Variants in SVOP observed in about 807,000 individuals in gnomAD.
SVOP encodes the protein SV2 related protein.
Under a neutral mutation model 69.1 loss-of-function variants are expected in SVOP, and 17 were observed. The ratio of observed to expected loss-of-function variants is 0.25; its 90% CI spans 0.17 to 0.37. SVOP has a LOEUF of 0.37. SVOP is among the 10% of genes least tolerant of loss of function. The probability of loss-of-function intolerance (pLI) is 1.00; values close to 1 mark genes in which losing one functional copy is unlikely to be tolerated. For synonymous variants in SVOP, 238 were observed against 238.6 expected, an observed-to-expected ratio of 1.00 and a Z score of 0.02; for missense variants, 435 against 597.5, an observed-to-expected ratio of 0.73 and a Z score of 2.84.
At chr12:108,980,411 T>A (rs2040129012) in intron 2 of SVOP, among the ~76,000 whole-genome samples, 3 of 152,258 alleles carry the variant, frequency 2.0e-5, no homozygotes, top group East Asian at 1.9e-4. Flanking sequence ...ATCTGCAATT[T>A]TTTTGTAAAG....
At chr12:109,016,744 CTTTT>C (rs34685990) in intron 1 of SVOP, among the ~76,000 whole-genome samples, 8 of 133,438 alleles carry the variant, frequency 6.0e-5, no homozygotes, top group Admixed American at 1.5e-4. Context: ...TGCATTAGTT[CTTTT>C]TTTTTTTTTT....
In SVOP at chr12:108,912,494, G is replaced by A; in HGVS notation, c.*41C>T. 1 of 1,610,178 alleles carries A rather than the reference G, an allele frequency of 6.2e-7. No individual in the cohort carries two copies. The highest frequency in any genetic ancestry group is 8.5e-7 in the Non-Finnish European group (1 of 1,176,762). ...CAGTTGGGGCCTGCCAGCCCCCCAA[G>A]CTCTGCAGCCTCAAAGACCAGCTCA... On this transcript the variant is annotated 3_prime_UTR_variant, in exon 16 of 16. Transcript: ENST00000610966.
At chr12:108,996,779 G>T (rs2040235135) in intron 1 of SVOP, among the ~76,000 whole-genome samples, 1 of 151,964 alleles carries the variant, frequency 6.6e-6, no homozygotes, top group Non-Finnish European at 1.5e-5. Context: ...AAAAAATACA[G>T]AAATTAGTCG....
chr12:108,983,480 C>T (rs1243499450), intron 2 of SVOP, 121 bp downstream of exon 2: 1 of 398,120 alleles, frequency 2.5e-6, no homozygotes, highest in Non-Finnish European at 4.4e-6. Flanking sequence ...CTTCCAGCTC[C>T]ACCCCTTGGC....
chr12:109,000,082 A>T (rs1160344385), intron 1 of SVOP, among the ~76,000 whole-genome samples: 1 of 152,154 alleles, frequency 6.6e-6, no homozygotes, highest in Non-Finnish European at 1.5e-5. Context: ...TAATAAAGAA[A>T]AAAAGAGAAG....
intron 1 of SVOP, among the ~76,000 whole-genome samples, chr12:108,986,580 C>T (rs558981841): frequency 4.4e-4 from 67 of 152,144 alleles, no homozygotes; most frequent in Non-Finnish European, 9.4e-4. Context: ...CTGTCTCCAT[C>T]GCTCACATCT....
chr12:109,019,552 C>T (rs1465666526), intron 1 of SVOP, among the ~76,000 whole-genome samples: 1 of 152,030 alleles, frequency 6.6e-6, no homozygotes, highest in Admixed American at 6.6e-5. Flanking sequence ...TATTTATTCT[C>T]AATAAAAGTT....
At chr12:108,943,839 C>T (rs879106967) in intron 7 of SVOP, among the ~76,000 whole-genome samples, 3 of 141,976 alleles carry the variant, frequency 2.1e-5, no homozygotes, top group South Asian at 4.4e-4. Context: ...TCCTCCTCCT[C>T]CTCCTTCTTC....
chr12:109,001,278 A>G (rs879920610), intron 1 of SVOP, among the ~76,000 whole-genome samples: 9,758 of 80,326 alleles, frequency 0.12, no homozygotes, highest in East Asian at 0.22. Context: ...TTCAAGGAGA[A>G]CTACAAACCA....
chr12:108,995,977 C>G (rs151048055), intron 1 of SVOP, among the ~76,000 whole-genome samples: 2 of 151,982 alleles, frequency 1.3e-5, no homozygotes, highest in South Asian at 2.1e-4. Flanking sequence ...CACACACATA[C>G]ATACATACAC....
chr12:109,011,239 A>G (rs1566068976), intron 1 of SVOP, among the ~76,000 whole-genome samples: 1 of 151,578 alleles, frequency 6.6e-6, no homozygotes, highest in Non-Finnish European at 1.5e-5. Context: ...CAACAATCAG[A>G]CTATTCCCCT....
intron 7 of SVOP, among the ~76,000 whole-genome samples, chr12:108,943,454 C>T (rs986011584): frequency 2.0e-5 from 3 of 151,840 alleles, no homozygotes; most frequent in African/African-American, 7.3e-5. Context: ...AAAAAATTAG[C>T]CAGGCGTGGT....
chr12:108,962,250 C>A (rs962556662), intron 5 of SVOP, among the ~76,000 whole-genome samples: 5 of 152,090 alleles, frequency 3.3e-5, no homozygotes, highest in African/African-American at 1.2e-4. Context: ...AGATGTGTGC[C>A]ACCATGCCTG....
At chr12:108,915,705 A>T in intron 15 of SVOP, 78 bp downstream of exon 15, 1 of 1,426,212 alleles carries the variant, frequency 7.0e-7, no homozygotes, top group East Asian at 2.6e-5. Flanking sequence ...CTCTGGGGAC[A>T]GTCGGCATGT....
chr12:108,924,152 G>A (rs970391306), intron 11 of SVOP, among the ~76,000 whole-genome samples: 2 of 152,112 alleles, frequency 1.3e-5, no homozygotes, highest in Non-Finnish European at 2.9e-5. Context: ...ATCATGTGAG[G>A]ATGCCACAAG....
intron 4 of SVOP, among the ~76,000 whole-genome samples, chr12:108,974,354 C>T (rs1274077847): frequency 6.6e-6 from 1 of 152,060 alleles, no homozygotes; most frequent in Non-Finnish European, 1.5e-5. Flanking sequence ...TTGTTGTGGT[C>T]TATTGTGTAC....
At chr12:108,956,731 C>T (rs2039987794) in intron 6 of SVOP, among the ~76,000 whole-genome samples, 1 of 152,178 alleles carries the variant, frequency 6.6e-6, no homozygotes, top group Non-Finnish European at 1.5e-5. Flanking sequence ...TCCATCATAA[C>T]ATTGCATGGG....
intron 1 of SVOP, among the ~76,000 whole-genome samples, chr12:109,010,714 G>A (rs1433210722): frequency 6.6e-6 from 1 of 151,852 alleles, no homozygotes; most frequent in Non-Finnish European, 1.5e-5. Context: ...TGTTGCCCAG[G>A]CTGATCTCAA....
intron 4 of SVOP, among the ~76,000 whole-genome samples, chr12:108,973,905 A>G (rs1593196134): frequency 6.6e-6 from 1 of 152,232 alleles, no homozygotes; most frequent in East Asian, 1.9e-4. Flanking sequence ...TGATGCACTT[A>G]CAGATGACTT....
Sources: allele counts gnomAD v4.1 joint callset (sites outside exome capture counted in the v4.1 genomes callset), GRCh38; gene constraint gnomAD v4.1.1; transcripts MANE v1.5; gene names NCBI Gene and HGNC (gene_info 2026-07-23, HGNC 2026-07-21).